Variants in KCNMA1 observed in about 807,000 individuals in gnomAD.
KCNMA1 encodes the protein potassium calcium-activated channel subfamily M alpha 1.
A neutral mutation model predicts 140.0 loss-of-function variants in KCNMA1; 29 were observed. That is an observed-to-expected ratio of 0.21 (90% CI 0.15 to 0.28). The LOEUF (loss-of-function observed/expected upper bound fraction) is 0.28, where lower values mean the gene tolerates loss of function less well. Among genes scored for constraint, KCNMA1 ranks in the 10% least tolerant of loss-of-function variants. The pLI, the probability that KCNMA1 is intolerant of heterozygous loss-of-function variation, is 1.00. For synonymous variants in KCNMA1, 612 were observed against 611.9 expected (o/e 1.00, Z 0.00); for missense variants, 880 against 1,602.2 (o/e 0.55, Z 7.70).
intron 2 of KCNMA1, among the ~76,000 whole-genome samples, chr10:77,323,025 C>T (rs1232641463): frequency 6.6e-6 from 1 of 152,158 alleles, no homozygotes; most frequent in East Asian, 1.9e-4. Flanking sequence ...TGGGACCAAA[C>T]CAAGATCAGA....
At chr10:77,439,168 A>C (rs2097340682) in intron 1 of KCNMA1, among the ~76,000 whole-genome samples, 1 of 151,358 alleles carries the variant, frequency 6.6e-6, no homozygotes, top group Non-Finnish European at 1.5e-5. Context: ...AGAAGAAAAG[A>C]AAAGAGAAGA....
intron 1 of KCNMA1, among the ~76,000 whole-genome samples, chr10:77,532,522 T>G (rs1224968161): frequency 6.6e-6 from 1 of 152,194 alleles, no homozygotes; most frequent in East Asian, 1.9e-4. Flanking sequence ...TTCACTCATT[T>G]AAGCCTGGAG....
At chr10:77,268,952 T>C (rs1455243838) in intron 2 of KCNMA1, among the ~76,000 whole-genome samples, 4 of 152,118 alleles carry the variant, frequency 2.6e-5, no homozygotes, top group Admixed American at 6.5e-5. Flanking sequence ...TCCAAGCATC[T>C]TGTGGCAGAA....
chr10:77,633,056 C>T (rs1006239680), intron 1 of KCNMA1, among the ~76,000 whole-genome samples: 2 of 152,248 alleles, frequency 1.3e-5, no homozygotes, highest in African/African-American at 4.8e-5. Context: ...GTGCCTCACG[C>T]CTGTAATCCC....
intron 1 of KCNMA1, chr10:77,636,445 G>A (rs760458966): frequency 2.0e-6 from 3 of 1,536,196 alleles, no homozygotes; most frequent in East Asian, 4.9e-5. Context: ...GCGTAAAACC[G>A]CGGCCTCAGG....
At chr10:77,142,154 T>C (rs1597024700) in intron 5 of KCNMA1, among the ~76,000 whole-genome samples, 2 of 151,938 alleles carry the variant, frequency 1.3e-5, no homozygotes, top group Admixed American at 1.3e-4. Context: ...GATCACAAGG[T>C]CAGGAGATCG....
At chr10:77,500,727 G>C (rs567050276) in intron 1 of KCNMA1, among the ~76,000 whole-genome samples, 1 of 152,296 alleles carries the variant, frequency 6.6e-6, no homozygotes, top group East Asian at 1.9e-4. Context: ...AGCAGTAGAG[G>C]AGTTTACTGA....
intron 1 of KCNMA1, chr10:77,587,867 C>T (rs1410610803): frequency 4.1e-6 from 4 of 985,298 alleles, no homozygotes; most frequent in Non-Finnish European, 4.8e-6. Context: ...GATATATGTG[C>T]CACTCTGAAA....
rs150858374 is a variant in KCNMA1, at chr10:76,959,893, C to T, written c.2361-5969G>A. 2.1e-3 allele frequency among the ~76,000 whole-genome samples: 324 copies of T among 152,274 alleles called. 1 individual carries two copies. The highest frequency in any genetic ancestry group is 7.2e-3 in the African/African-American group (301 of 41,552). On this transcript the variant is annotated intron_variant, in intron 20 of 27. Coordinates refer to ENST00000286628, the MANE Select transcript of KCNMA1 (RefSeq NM_001161352.2). Reference sequence around the variant, plus strand: ...AGGTAATTTCTGTTATTATCGGGCTCTGTGTATACATGGGAAACAAAATAG... The same window carrying T: ...AGGTAATTTCTGTTATTATCGGGCTTTGTGTATACATGGGAAACAAAATAG...
intron 2 of KCNMA1, among the ~76,000 whole-genome samples, chr10:77,296,550 A>G (rs1037798072): frequency 6.6e-6 from 1 of 152,180 alleles, no homozygotes; most frequent in Admixed American, 6.5e-5. Context: ...ACCATCAGCC[A>G]TGCTTACCCA....
Position 77,478,467 on chromosome 10 carries a change from C to T in KCNMA1, c.379-74444G>A, listed in dbSNP as rs189702004. On this transcript the variant is annotated intron_variant, in intron 1 of 27. Transcript: ENST00000286628. ...GAGTCACAAGGATAGATGAATGCTA[C>T]GGTGATTCTTACATTTGCAGTCAGG... Among the ~76,000 whole-genome samples, 23 of 152,308 alleles carry T rather than the reference C, an allele frequency of 1.5e-4. No individual in the cohort carries two copies. In the East Asian group the frequency reaches 2.3e-3, roughly 15 times the overall value.
intron 20 of KCNMA1, among the ~76,000 whole-genome samples, chr10:76,955,141 A>AT (rs1410292359): frequency 1.3e-5 from 2 of 151,508 alleles, no homozygotes; most frequent in African/African-American, 2.4e-5. Flanking sequence ...TTGTAAAGTG[A>AT]TTTTACCTTT....
At chr10:77,558,567 A>G (rs1233520598) in intron 1 of KCNMA1, among the ~76,000 whole-genome samples, 1 of 152,124 alleles carries the variant, frequency 6.6e-6, no homozygotes, top group African/African-American at 2.4e-5. Flanking sequence ...CCCTCATTAA[A>G]ACTGGTATCA....
At chr10:77,202,420 G>C (rs531792633) in intron 3 of KCNMA1, among the ~76,000 whole-genome samples, 1 of 152,304 alleles carries the variant, frequency 6.6e-6, no homozygotes, top group Non-Finnish European at 1.5e-5. Context: ...CAGGTAAGCA[G>C]ATATCAGGTA....
At chr10:77,368,494 T>C (rs150917788) in intron 2 of KCNMA1, among the ~76,000 whole-genome samples, 1 of 152,228 alleles carries the variant, frequency 6.6e-6, no homozygotes, top group Non-Finnish European at 1.5e-5. Context: ...ATGTAGCTTA[T>C]CTTTTCATTC....
At chr10:77,600,649 G>T (rs1317926453) in intron 1 of KCNMA1, among the ~76,000 whole-genome samples, 1 of 152,188 alleles carries the variant, frequency 6.6e-6, no homozygotes, top group Non-Finnish European at 1.5e-5. Context: ...TCAGGAGGCT[G>T]AGGCAGGAGA....
intron 25 of KCNMA1, among the ~76,000 whole-genome samples, chr10:76,897,933 T>G (rs551091141): frequency 2.3e-3 from 350 of 151,988 alleles, no homozygotes; most frequent in Non-Finnish European, 4.5e-3. Context: ...AGAAAATACA[T>G]CTATAGAATG....
downstream of KCNMA1, among the ~76,000 whole-genome samples, chr10:76,880,440 A>G (rs1420068415): frequency 6.6e-6 from 1 of 152,158 alleles, no homozygotes; most frequent in Non-Finnish European, 1.5e-5. Flanking sequence ...ACAGCTGTTT[A>G]ATTTGGGTGC....
In KCNMA1 at chr10:77,572,569, C is replaced by CATATATATATATATATATAT. The variant is rs56706119; in HGVS notation, c.378+64676_378+64695dup. On this transcript the variant is annotated intron_variant, in intron 1 of 27. Transcript: ENST00000286628. ...TGTCGCTCCAAAAAAAAAAAAAATC[C>CATATATATATATATATATAT]ATATATATATATATATATATATATA... Among the ~76,000 whole-genome samples, 264 of 37,508 alleles carry CATATATATATATATATATAT rather than the reference C, an allele frequency of 7.0e-3. 9 individuals carry two copies. The highest frequency in any genetic ancestry group is 9.1e-3 in the Non-Finnish European group (192 of 21,026). The allele number at this position is 37,508 out of a possible 152,430, so 24.6% of individuals were successfully genotyped here.
Sources: gnomAD v4.1 joint callset for allele counts (sites outside exome capture counted in the v4.1 genomes callset) on GRCh38, gnomAD v4.1.1 for gene constraint, MANE v1.5 for transcripts, NCBI Gene and HGNC (gene_info 2026-07-23, HGNC 2026-07-21) for gene names.